Variants in ANO6 observed in about 807,000 individuals in gnomAD.
The protein encoded by ANO6 is anoctamin 6.
Under a neutral mutation model 117.5 loss-of-function variants are expected in ANO6, and 106 were observed. The observed-to-expected ratio is 0.90, with a 90% CI of 0.77 to 1.06. ANO6 has a LOEUF of 1.06. ANO6 is among the 50% of genes least tolerant of loss of function. The pLI is 0.00. For synonymous variants in ANO6, 367 were observed against 385.1 expected, an observed-to-expected ratio of 0.95 and a Z score of 0.55; for missense variants, 955 against 1,121.1, an observed-to-expected ratio of 0.85 and a Z score of 2.12.
intron 1 of ANO6, among the ~76,000 whole-genome samples, chr12:45,265,364 TGAG>T (rs1251547675): frequency 6.6e-6 from 1 of 152,154 alleles, no homozygotes; most frequent in African/African-American, 2.4e-5. Flanking sequence ...GTAAGGGACT[TGAG>T]GAGACCCTGA....
chr12:45,267,188 A>G (rs1403118246), intron 1 of ANO6, among the ~76,000 whole-genome samples: 1 of 152,212 alleles, frequency 6.6e-6, no homozygotes, highest in African/African-American at 2.4e-5. Flanking sequence ...GAGGCTAGGA[A>G]GTCCAAGGTC....
At chr12:45,337,311 T>G (rs1395830521) in intron 3 of ANO6, among the ~76,000 whole-genome samples, 1 of 152,102 alleles carries the variant, frequency 6.6e-6, no homozygotes, top group Non-Finnish European at 1.5e-5. Context: ...CTTTTCTATA[T>G]TAAGATACAC....
At chr12:45,295,965 A>T (rs2137290994) in intron 1 of ANO6, among the ~76,000 whole-genome samples, 1 of 152,022 alleles carries the variant, frequency 6.6e-6, no homozygotes, top group South Asian at 2.1e-4. Context: ...GGTTCAAGTG[A>T]TTCTTGTGCC....
intron 19 of ANO6, among the ~76,000 whole-genome samples, chr12:45,425,370 A>T (rs1943475773): frequency 6.6e-6 from 1 of 152,222 alleles, no homozygotes; most frequent in South Asian, 2.1e-4. Flanking sequence ...GGATAAAAGA[A>T]ATGAAAGAGT....
chr12:45,288,838 C>T (rs1166686950), intron 1 of ANO6, among the ~76,000 whole-genome samples: 11 of 152,154 alleles, frequency 7.2e-5, no homozygotes, highest in African/African-American at 2.4e-4. Flanking sequence ...AGCTCCACCT[C>T]CTGGGTTCAA....
At chr12:45,253,714 A>G (rs1937708376) in intron 1 of ANO6, among the ~76,000 whole-genome samples, 1 of 152,196 alleles carries the variant, frequency 6.6e-6, no homozygotes, top group African/African-American at 2.4e-5. Context: ...TATCTGTAAA[A>G]TGAGGAGTTT....
chr12:45,275,873 T>C (rs967844911), intron 1 of ANO6, among the ~76,000 whole-genome samples: 1 of 152,210 alleles, frequency 6.6e-6, no homozygotes, highest in Non-Finnish European at 1.5e-5. Flanking sequence ...ACCTCTTCTG[T>C]CTACATGCTC....
intron 9 of ANO6, 119 bp downstream of exon 9, chr12:45,367,912 A>C (rs1465203984): frequency 2.5e-5 from 19 of 748,584 alleles, no homozygotes; most frequent in Middle Eastern, 2.8e-4. Context: ...TTTTTCAACT[A>C]ACCTTTCAAA....
chr12:45,255,343 T>C (rs1937772030), intron 1 of ANO6, among the ~76,000 whole-genome samples: 1 of 152,086 alleles, frequency 6.6e-6, no homozygotes, highest in South Asian at 2.1e-4. Flanking sequence ...CTACTAAAAA[T>C]ACAACAACAA....
chr12:45,355,157 TA>T (rs923543831), intron 7 of ANO6, among the ~76,000 whole-genome samples: 2 of 152,228 alleles, frequency 1.3e-5, no homozygotes, highest in Non-Finnish European at 2.9e-5. Flanking sequence ...TGTATACTTG[TA>T]ACTTTGATTT....
At chr12:45,412,437 A>G (rs185858404) in intron 16 of ANO6, among the ~76,000 whole-genome samples, 1 of 152,336 alleles carries the variant, frequency 6.6e-6, no homozygotes, top group Admixed American at 6.5e-5. Flanking sequence ...AATGACCTTC[A>G]TATATGATTT....
chr12:45,405,004 A>T (rs917886964), intron 15 of ANO6, among the ~76,000 whole-genome samples: 2 of 152,056 alleles, frequency 1.3e-5, no homozygotes, highest in African/African-American at 4.8e-5. Context: ...TCCATCTTCA[A>T]TGGAAACTGT....
intron 1 of ANO6, among the ~76,000 whole-genome samples, chr12:45,288,697 C>T (rs1017514483): frequency 4.6e-5 from 7 of 152,120 alleles, no homozygotes; most frequent in African/African-American, 1.7e-4. Context: ...TTTGTTAGAG[C>T]TCCTACTTCT....
intron 1 of ANO6, among the ~76,000 whole-genome samples, chr12:45,240,887 T>C (rs1053590315): frequency 1.3e-5 from 2 of 152,194 alleles, no homozygotes; most frequent in Admixed American, 6.5e-5. Flanking sequence ...CCCCCACTCT[T>C]TTCTGGCTGT....
chr12:45,351,321 A>T (rs548975573), intron 7 of ANO6, among the ~76,000 whole-genome samples: 1 of 152,130 alleles, frequency 6.6e-6, no homozygotes, highest in Non-Finnish European at 1.5e-5. Flanking sequence ...CTCTTTTCTT[A>T]TGTCTGCCTC....
chr12:45,351,240 C>A (rs928557741), intron 7 of ANO6, among the ~76,000 whole-genome samples: 2 of 152,226 alleles, frequency 1.3e-5, no homozygotes, highest in African/African-American at 4.8e-5. Flanking sequence ...GCAGACCCAC[C>A]AAATTCCATA....
At chr12:45,388,426 A>G in intron 11 of ANO6, 123 bp downstream of exon 11, 2 of 1,235,822 alleles carry the variant, frequency 1.6e-6, no homozygotes, top group Non-Finnish European at 2.3e-6. Context: ...CCATCACTAC[A>G]TACTCTGGTA....
Position 45,416,046 on chromosome 12 carries a change from A to G in ANO6, c.2012-653A>G, listed in dbSNP as rs190215644. Among the ~76,000 whole-genome samples, 98 of 152,296 alleles carry G rather than the reference A, an allele frequency of 6.4e-4. 1 individual carries two copies. Among genetic ancestry groups the G allele is most frequent in the East Asian group, 6.4e-3 (33 of 5,186 alleles). ...AAAAGAACTTCTAAGCCACCACTCA[A>G]ATTTTGACTTATTATGACCACAAGG... On this transcript the variant is annotated intron_variant, in intron 16 of 19. Transcript: ENST00000320560.
intron 10 of ANO6, among the ~76,000 whole-genome samples, chr12:45,386,296 C>T: frequency 6.6e-6 from 1 of 152,212 alleles, no homozygotes; most frequent in East Asian, 1.9e-4. Flanking sequence ...TCCAGATCTT[C>T]CTCCTATGTT....
Sources: allele counts gnomAD v4.1 joint callset (sites outside exome capture counted in the v4.1 genomes callset), GRCh38; gene constraint gnomAD v4.1.1; transcripts MANE v1.5; gene names NCBI Gene and HGNC (gene_info 2026-07-23, HGNC 2026-07-21).